The following ST18 variants were observed in gnomAD, a reference collection of about 807,000 sequenced individuals.
The protein encoded by ST18 is ST18 C2H2C-type zinc finger transcription factor, also known as suppression of tumorigenicity 18 protein.
Under a neutral mutation model 110.0 loss-of-function variants are expected in ST18, and 50 were observed. That is an observed-to-expected ratio of 0.45 (90% CI 0.36 to 0.58). The LOEUF (loss-of-function observed/expected upper bound fraction) is 0.58, where lower values mean the gene tolerates loss of function less well. Ranked by LOEUF, ST18 falls within the 20% of genes least tolerant of loss-of-function variation. ST18 has a pLI of 0.00. For synonymous variants in ST18, 461 were observed against 452.4 expected (o/e 1.02, Z -0.24); for missense variants, 1,306 against 1,280.1 (o/e 1.02, Z -0.31).
chr8:52,384,786 GGT>G (rs60638852), intron 2 of ST18, among the ~76,000 whole-genome samples: 6,396 of 147,416 alleles, frequency 0.043, 126 homozygotes, highest in African/African-American at 0.053. Flanking sequence ...TGTGTACACA[GGT>G]GTGTGTGTGT....
At chr8:52,301,260 A>G (rs1050902568) in intron 2 of ST18, among the ~76,000 whole-genome samples, 4 of 152,228 alleles carry the variant, frequency 2.6e-5, no homozygotes. Context: ...TATTTTCCTA[A>G]AATTGTATAA....
intron 2 of ST18, among the ~76,000 whole-genome samples, chr8:52,395,680 G>T (rs529866502): frequency 6.6e-6 from 1 of 152,200 alleles, no homozygotes; most frequent in Admixed American, 6.5e-5. Flanking sequence ...TTCAGAAAAC[G>T]TTGAGGGTAC....
chr8:52,371,238 A>G (rs1001501775), intron 2 of ST18, among the ~76,000 whole-genome samples: 3 of 152,224 alleles, frequency 2.0e-5, no homozygotes, highest in African/African-American at 7.2e-5. Context: ...AAAGGCGAAT[A>G]ATGTAACATC....
intron 2 of ST18, among the ~76,000 whole-genome samples, chr8:52,290,440 A>T (rs2095538608): frequency 6.6e-6 from 1 of 152,244 alleles, no homozygotes; most frequent in Non-Finnish European, 1.5e-5. Context: ...TTACATACCA[A>T]TAAATAAAGC....
At chr8:52,348,830 A>G (rs1818944579) in intron 2 of ST18, among the ~76,000 whole-genome samples, 1 of 152,190 alleles carries the variant, frequency 6.6e-6, no homozygotes, top group Non-Finnish European at 1.5e-5. Flanking sequence ...TAGCTAATCA[A>G]CATATTATTA....
chr8:52,142,813 T>A (rs1331898155), intron 17 of ST18, 117 bp downstream of exon 17: 1 of 723,596 alleles, frequency 1.4e-6, no homozygotes, highest in African/African-American at 1.8e-5. Context: ...GTTTAACTGC[T>A]GACTGGTAGA....
At chr8:52,333,024 A>G (rs553817659) in intron 2 of ST18, among the ~76,000 whole-genome samples, 22 of 152,214 alleles carry the variant, frequency 1.4e-4, no homozygotes, top group Admixed American at 4.6e-4. Context: ...ATAGAACAAC[A>G]TAAACTGAGG....
chr8:52,292,334 G>A (rs945383577), intron 2 of ST18, among the ~76,000 whole-genome samples: 3 of 152,160 alleles, frequency 2.0e-5, no homozygotes, highest in African/African-American at 7.2e-5. Context: ...CACATCATAT[G>A]ACAGTGGGAA....
intron 2 of ST18, among the ~76,000 whole-genome samples, chr8:52,312,445 A>G (rs932746025): frequency 1.3e-5 from 2 of 152,208 alleles, no homozygotes; most frequent in Non-Finnish European, 2.9e-5. Context: ...TCTCACATGG[A>G]GAAGAGAGGT....
In ST18 at chr8:52,281,629, C is replaced by G. The variant is rs74704208; in HGVS notation, c.-464-51552G>C. Among the ~76,000 whole-genome samples, 20 of 152,180 alleles carry G rather than the reference C, an allele frequency of 1.3e-4. No individual in the cohort carries two copies. In the East Asian group the frequency reaches 3.9e-3, roughly 29 times the overall value. ...TATCACAGATTAAATTGAAATAGTA[C>G]ATTAAATTATCCCCTGAAAAACAAA... On this transcript the variant is annotated intron_variant, in intron 2 of 25. Transcript: ENST00000689386.
At chr8:52,150,009 A>G in intron 15 of ST18, 32 bp from the exon 16 acceptor site, 3 of 1,594,214 alleles carry the variant, frequency 1.9e-6, no homozygotes, top group East Asian at 2.2e-5. Flanking sequence ...AAAAACATTT[A>G]AGCAGTTTGC....
intron 15 of ST18, among the ~76,000 whole-genome samples, chr8:52,151,388 G>A (rs1049052530): frequency 1.3e-5 from 2 of 152,090 alleles, no homozygotes; most frequent in Non-Finnish European, 2.9e-5. Context: ...CTAATATGTT[G>A]TACTAAGATG....
chr8:52,242,581 G>A (rs1217748032), intron 2 of ST18, among the ~76,000 whole-genome samples: 2 of 152,250 alleles, frequency 1.3e-5, no homozygotes, highest in Non-Finnish European at 2.9e-5. Flanking sequence ...GCCCATGCCT[G>A]TAATCCCAGC....
chr8:52,149,614 G>C (rs1411274060), intron 16 of ST18, 118 bp downstream of exon 16: 3 of 1,338,246 alleles, frequency 2.2e-6, no homozygotes, highest in East Asian at 2.5e-5. Context: ...TCTAAAGCAA[G>C]GTACAGAATT....
chr8:52,400,177 T>A (rs1005295053), intron 2 of ST18, among the ~76,000 whole-genome samples: 2 of 152,134 alleles, frequency 1.3e-5, no homozygotes, highest in Non-Finnish European at 1.5e-5. Context: ...TCTTTGCTCT[T>A]ACAACAGTTT....
chr8:52,118,343 T>C lies in ST18; in HGVS notation c.2854A>G (p.Thr952Ala), dbSNP rs2043319813. Residue 952 changes from threonine (T) to alanine (A), a missense_variant, in exon 24 of 26, where the codon ACC becomes GCC. Coordinates refer to ENST00000689386, the MANE Select transcript of ST18 (RefSeq NM_001352837.2). ...GAATTACTTCTTTTTTTTACCTGGG[T>C]CTGAAGTTTCATCATATCTGCTTCA... ...KIEADMMKLQ[T>A]QITSMESNLK... is the part of the protein sequence containing the mutation. 6.3e-7 allele frequency: 1 copy of C among 1,598,290 alleles called. No individual in the cohort carries two copies. Among genetic ancestry groups the C allele is most frequent in the African/African-American group, 1.3e-5 (1 of 74,314 alleles).
chr8:52,377,798 C>T (rs1236897042), intron 2 of ST18, among the ~76,000 whole-genome samples: 1 of 152,192 alleles, frequency 6.6e-6, no homozygotes, highest in Non-Finnish European at 1.5e-5. Context: ...GATATCTGTA[C>T]TCCCATGTTT....
At chr8:52,317,122 G>C (rs2096044591) in intron 2 of ST18, among the ~76,000 whole-genome samples, 1 of 152,048 alleles carries the variant, frequency 6.6e-6, no homozygotes, top group Non-Finnish European at 1.5e-5. Flanking sequence ...ATCACCTGTA[G>C]TGGTTTGAAT....
rs1417243957 is a variant in ST18 at position 52,346,192 on chromosome 8, C to T, written c.-465+63136G>A. Among the ~76,000 whole-genome samples, 3 of 151,004 alleles carry T rather than the reference C, an allele frequency of 2.0e-5. No individual in the cohort carries two copies. In the South Asian group the frequency reaches 6.2e-4, roughly 31 times the overall value. ...TTATTTTATTTATTTATTATTATTA[C>T]ACTTTAAGTTAAAAGTTTTAAACGA... On this transcript the variant is annotated intron_variant, in intron 2 of 25. Coordinates refer to ENST00000689386, the MANE Select transcript of ST18 (RefSeq NM_001352837.2).
Sources: allele counts gnomAD v4.1 joint callset (sites outside exome capture counted in the v4.1 genomes callset), GRCh38; gene constraint gnomAD v4.1.1; transcripts MANE v1.5; gene names NCBI Gene and HGNC (gene_info 2026-07-23, HGNC 2026-07-21).